The following CACNB4 variants were observed in gnomAD, a reference collection of about 807,000 sequenced individuals.
The protein encoded by CACNB4 is calcium voltage-gated channel auxiliary subunit beta 4.
CACNB4 carries 32 observed loss-of-function variants against 71.2 expected under a neutral mutation model. That is an observed-to-expected ratio of 0.45 (90% CI 0.34 to 0.60). The LOEUF is 0.60. Ranked by LOEUF, CACNB4 falls within the 20% of genes least tolerant of loss-of-function variation. The probability of loss-of-function intolerance (pLI) is 0.01; values close to 1 mark genes in which losing one functional copy is unlikely to be tolerated. For synonymous variants in CACNB4, 231 were observed against 236.9 expected, an observed-to-expected ratio of 0.97 and a Z score of 0.23; for missense variants, 464 against 647.9, an observed-to-expected ratio of 0.72 and a Z score of 3.08.
intron 5 of CACNB4, chr2:151,873,874 T>A (rs1314423085): frequency 6.6e-6 from 1 of 152,176 alleles, no homozygotes; most frequent in Non-Finnish European, 1.5e-5. Context: ...AGGTGGGGAC[T>A]GGTGAGAGGT....
chr2:152,013,211 T>G (rs905514629), intron 2 of CACNB4, among the ~76,000 whole-genome samples: 1 of 152,180 alleles, frequency 6.6e-6, no homozygotes, highest in Non-Finnish European at 1.5e-5. Flanking sequence ...TCACCTATAA[T>G]GATGTGTTTT....
rs138961023 is a variant in CACNB4 at position 152,063,533 on chromosome 2, A to G, written c.147+34797T>C. Among the ~76,000 whole-genome samples the G allele has an allele frequency of 1.7e-3, 261 of 152,254 alleles. 1 individual carries two copies. The highest frequency in any genetic ancestry group is 6.0e-3 in the African/African-American group (250 of 41,542). ...AAGCCAGCTCCAGCCTGTGCATGCA[A>G]TCAAGCTCCTGGGGTTCTCAGCAAA... On this transcript the variant is annotated intron_variant, in intron 2 of 13. Transcript: ENST00000539935.
chr2:152,043,144 A>G (rs1684964322), intron 2 of CACNB4, among the ~76,000 whole-genome samples: 2 of 152,224 alleles, frequency 1.3e-5, no homozygotes, highest in East Asian at 3.8e-4. Context: ...CCCCTTGTTC[A>G]GCATGTAATC....
At chr2:152,060,850 TA>T (rs1159101333) in intron 2 of CACNB4, among the ~76,000 whole-genome samples, 1 of 151,834 alleles carries the variant, frequency 6.6e-6, no homozygotes, top group African/African-American at 2.4e-5. Context: ...TAAATTTTTG[TA>T]AAAAAAAGCA....
chr2:152,043,947 T>C (rs1018824226), intron 2 of CACNB4, among the ~76,000 whole-genome samples: 1 of 152,178 alleles, frequency 6.6e-6, no homozygotes, highest in Admixed American at 6.5e-5. Context: ...GGCACATTCC[T>C]ATAGTCCCAG....
intron 2 of CACNB4, among the ~76,000 whole-genome samples, chr2:151,998,934 GC>G (rs1682232276): frequency 6.6e-6 from 1 of 152,166 alleles, no homozygotes; most frequent in African/African-American, 2.4e-5. Context: ...AGCTTGGTGA[GC>G]TTCACCCTCA....
At chr2:151,872,582 C>T in intron 5 of CACNB4, 89 bp from the exon 6 acceptor site, 1 of 720,532 alleles carries the variant, frequency 1.4e-6, no homozygotes, top group Middle Eastern at 2.5e-4. Context: ...GGCCCTCATC[C>T]TATTAAATAA....
At chr2:151,948,543 C>T (rs190236685) in intron 2 of CACNB4, among the ~76,000 whole-genome samples, 1 of 152,086 alleles carries the variant, frequency 6.6e-6, no homozygotes, top group Non-Finnish European at 1.5e-5. Flanking sequence ...TGCCTGTAGT[C>T]CCAGCTACTC....
rs1186514076 is a variant in CACNB4, at chr2:151,872,485, C to A, written c.530G>T (p.Ser177Ile). 3.2e-6 allele frequency: 5 copies of A among 1,586,382 alleles called. No homozygotes were observed. The highest frequency in any genetic ancestry group is 4.3e-6 in the Non-Finnish European group (5 of 1,156,938). Residue 177 changes from serine to isoleucine, a missense_variant, in exon 6 of 14, where the codon AGT (serine) becomes ATT (isoleucine). Coordinates refer to ENST00000539935, the MANE Select transcript of CACNB4 (RefSeq NM_000726.5). The part of the protein sequence containing the change: ...KRGRFHGGKS[S>I]GNSSSSLGEM... The stretch of plus-strand genomic sequence containing the variant: ...TCCAAGACTTGAAGAAGAATTTCCA[C>A]TTGATTTCCTAGGATATAGAAAAGG...
chr2:152,093,250 A>ATGCT (rs1688077722), intron 2 of CACNB4, among the ~76,000 whole-genome samples: 1 of 152,120 alleles, frequency 6.6e-6, no homozygotes, highest in South Asian at 2.1e-4. Context: ...GCCTCTAGAT[A>ATGCT]TGCTCTATTC....
At chr2:151,999,460 T>G (rs1682273219) in intron 2 of CACNB4, among the ~76,000 whole-genome samples, 1 of 152,082 alleles carries the variant, frequency 6.6e-6, no homozygotes, top group African/African-American at 2.4e-5. Context: ...CTTATGTCAT[T>G]CCAGCATCTT....
intron 7 of CACNB4, 45 bp from the exon 8 acceptor site, chr2:151,870,656 T>C (rs759823763): frequency 1.4e-6 from 2 of 1,470,956 alleles, no homozygotes; most frequent in Admixed American, 1.7e-5. Flanking sequence ...AGGTTGAGCA[T>C]GCCTCTCCAC....
rs574224809 is a variant in CACNB4 at position 152,052,339 on chromosome 2, C to T, written c.147+45991G>A. Among the ~76,000 whole-genome samples, 6 of 152,310 alleles carry T rather than the reference C, an allele frequency of 3.9e-5. No homozygotes were observed. The East Asian group carries it at 9.6e-4, about 24-fold the overall frequency. ...TTTTTGAGACAGAGTCTCACTCTGTCGCCTAGGCTGGAGTACAGTGGCGTG... is the reference window on the plus strand; with the variant it reads ...TTTTTGAGACAGAGTCTCACTCTGTTGCCTAGGCTGGAGTACAGTGGCGTG... On this transcript the variant is annotated intron_variant, in intron 2 of 13. Transcript: ENST00000539935.
chr2:152,031,043 G>C (rs1009316063), intron 2 of CACNB4, among the ~76,000 whole-genome samples: 2 of 152,198 alleles, frequency 1.3e-5, no homozygotes, highest in Non-Finnish European at 2.9e-5. Context: ...GGGGTAGACA[G>C]GCGGTATTGC....
chr2:151,962,707 A>C (rs2099869971), intron 2 of CACNB4: 2 of 152,268 alleles, frequency 1.3e-5, no homozygotes, highest in Admixed American at 1.3e-4. Flanking sequence ...TTTTATGTTC[A>C]TTTAAGTTTT....
intron 2 of CACNB4, among the ~76,000 whole-genome samples, chr2:151,995,232 A>G (rs1681975443): frequency 7.0e-6 from 1 of 142,354 alleles, no homozygotes. Flanking sequence ...GGTACTTTAT[A>G]TGACAAAAAT....
chr2:152,095,334 G>T (rs151079658), intron 2 of CACNB4, among the ~76,000 whole-genome samples: 62 of 152,228 alleles, frequency 4.1e-4, no homozygotes, highest in African/African-American at 1.1e-3. Flanking sequence ...CAGAAACACT[G>T]AAACTTTTTA....
intron 5 of CACNB4, chr2:151,873,536 T>G (rs1391258518): frequency 1.3e-5 from 2 of 151,938 alleles, no homozygotes; most frequent in Non-Finnish European, 2.9e-5. Flanking sequence ...GAGTAATAAG[T>G]GCAACAGAGA....
chr2:151,917,555 G>A (rs1384853105), intron 2 of CACNB4, among the ~76,000 whole-genome samples: 1 of 152,150 alleles, frequency 6.6e-6, no homozygotes, highest in African/African-American at 2.4e-5. Context: ...CAAGATTTCT[G>A]GCCAGGTGCA....
Sources: allele counts gnomAD v4.1 joint callset (sites outside exome capture counted in the v4.1 genomes callset), GRCh38; gene constraint gnomAD v4.1.1; transcripts MANE v1.5; gene names NCBI Gene and HGNC (gene_info 2026-07-23, HGNC 2026-07-21).